The following TAF3 variants were observed in gnomAD, a reference collection of about 807,000 sequenced individuals.
TAF3 encodes TATA-box binding protein associated factor 3, also known as transcription initiation factor TFIID subunit 3.
In TAF3, 7 loss-of-function variants were observed where a neutral mutation model predicts 80.6. That is an observed-to-expected ratio of 0.09 (90% CI 0.05 to 0.16). The LOEUF is 0.16. Among genes scored for constraint, TAF3 ranks in the 10% least tolerant of loss-of-function variants. The pLI, the probability that TAF3 is intolerant of heterozygous loss-of-function variation, is 1.00. For synonymous variants in TAF3, 444 were observed against 446.1 expected (o/e 1.00, Z 0.06); for missense variants, 921 against 1,140.2 (o/e 0.81, Z 2.77).
rs1427610583 is a variant in TAF3 at position 8,009,138 on chromosome 10, G to T, written c.2376G>T (p.Pro792=). ...EAKPAPSQNR[P]KTPPPAPAPA... ...AGCCGGCGCCCTCGCAGAACAGGCC[G>T]AAGACCCCACCGCCGGCCCCCGCGC... Residue 792 remains proline (P), a synonymous_variant, in exon 5 of 7, where the codon CCG becomes CCT. Coordinates refer to ENST00000344293, the MANE Select transcript of TAF3 (RefSeq NM_031923.4). The surrounding 1 kb of genome is among the most constrained non-coding windows in gnomAD (Gnocchi z 4.1). 3 of 1,594,496 alleles carry T rather than the reference G, an allele frequency of 1.9e-6. No homozygotes were observed. Among genetic ancestry groups the T allele is most frequent in the African/African-American group, 1.3e-5 (1 of 74,278 alleles).
intron 2 of TAF3, among the ~76,000 whole-genome samples, chr10:7,935,513 G>C (rs1170974882): frequency 6.6e-6 from 1 of 152,062 alleles, no homozygotes; most frequent in Non-Finnish European, 1.5e-5. Flanking sequence ...GAACCCGGGA[G>C]GCGGAGCTTG....
At chr10:7,861,141 T>A (rs1837141763) in intron 2 of TAF3, among the ~76,000 whole-genome samples, 1 of 152,106 alleles carries the variant, frequency 6.6e-6, no homozygotes, top group Admixed American at 6.5e-5. Context: ...TTTTTTTGTA[T>A]GTTTAGTAGA....
intron 2 of TAF3, among the ~76,000 whole-genome samples, chr10:7,958,786 C>G (rs1283416620): frequency 6.6e-6 from 1 of 152,156 alleles, no homozygotes; most frequent in Non-Finnish European, 1.5e-5. Flanking sequence ...CAGATCATTT[C>G]TAATTTTAAA....
intron 2 of TAF3, among the ~76,000 whole-genome samples, chr10:7,947,196 C>T (rs1838033162): frequency 6.6e-6 from 1 of 152,224 alleles, no homozygotes; most frequent in Non-Finnish European, 1.5e-5. Context: ...GAAATGTCGG[C>T]AGCCCTAGAA....
intron 2 of TAF3, among the ~76,000 whole-genome samples, chr10:7,878,128 A>G (rs1207140647): frequency 1.3e-5 from 2 of 152,202 alleles, no homozygotes; most frequent in African/African-American, 4.8e-5. Context: ...TGATTTTTAA[A>G]ACAATACATT....
At chr10:7,916,208 A>C (rs1015713408) in intron 2 of TAF3, among the ~76,000 whole-genome samples, 64 of 152,172 alleles carry the variant, frequency 4.2e-4, no homozygotes, top group African/African-American at 1.4e-3. Context: ...TTCCTTTGTT[A>C]ATGGATTATT....
At chr10:7,983,493 T>C (rs1230988215) in intron 4 of TAF3, among the ~76,000 whole-genome samples, 1 of 152,236 alleles carries the variant, frequency 6.6e-6, no homozygotes, top group Admixed American at 6.5e-5. Flanking sequence ...CGTCATCCTG[T>C]CAGACTTGGA....
chr10:7,931,678 C>T (rs771748344), intron 2 of TAF3, among the ~76,000 whole-genome samples: 3 of 152,160 alleles, frequency 2.0e-5, no homozygotes, highest in Admixed American at 6.5e-5. Context: ...TTTCAAATCT[C>T]ATTGTATGTT....
Position 7,964,083 on chromosome 10 carries a change from C to T in TAF3, c.573C>T (p.Ala191=). 6.2e-7 allele frequency: 1 copy of T among 1,614,042 alleles called. No individual in the cohort carries two copies. The highest frequency in any genetic ancestry group is 8.5e-7 in the Non-Finnish European group (1 of 1,180,022). ...GTCCTGAAGCTGAAGAACTGCCAGCCATGAAGCGGCCTCGGCTATTAAGCA... is the reference window on the plus strand; with the variant it reads ...GTCCTGAAGCTGAAGAACTGCCAGCTATGAAGCGGCCTCGGCTATTAAGCA... The part of the protein sequence containing the change: ...LDSPEAEELP[A]MKRPRLLSTK... The change falls in exon 3 of 7, where the codon GCC becomes GCT. Residue 191 remains alanine (A), a synonymous_variant. Transcript: ENST00000344293. The surrounding 1 kb of genome is among the most constrained non-coding windows in gnomAD (Gnocchi z 4.1).
chr10:7,977,124 C>A, intron 3 of TAF3, 117 bp from the exon 4 acceptor site: 1 of 871,220 alleles, frequency 1.1e-6, no homozygotes, highest in Non-Finnish European at 1.8e-6. Context: ...TAAATTTTAG[C>A]CATATTTAAG....
intron 2 of TAF3, among the ~76,000 whole-genome samples, chr10:7,880,624 C>G (rs1241470668): frequency 6.6e-6 from 1 of 152,042 alleles, no homozygotes; most frequent in African/African-American, 2.4e-5. Context: ...CTTATAAATG[C>G]ATTTATATTC....
chr10:7,956,678 T>C (rs1838139034), intron 2 of TAF3, among the ~76,000 whole-genome samples: 1 of 152,206 alleles, frequency 6.6e-6, no homozygotes, highest in Non-Finnish European at 1.5e-5. Flanking sequence ...GAATTTGTGC[T>C]GAGTCATTCA....
At position 7,984,348 on chromosome 10, in the gene TAF3, A is replaced by G. The variant is rs146865120; in HGVS notation, c.2315+7025A>G. On this transcript the variant is annotated intron_variant, in intron 4 of 6. Coordinates refer to ENST00000344293, the MANE Select transcript of TAF3 (RefSeq NM_031923.4). ...AGGTTTTCAGAAATACTTTTACTGC[A>G]CAGTAAAACAAGTGGAGAGATTATA... Among the ~76,000 whole-genome samples the G allele has an allele frequency of 1.8e-4, 28 of 152,374 alleles. 1 individual carries two copies. The East Asian group carries it at 5.2e-3, about 28-fold the overall frequency.
intron 2 of TAF3, among the ~76,000 whole-genome samples, chr10:7,923,689 GA>G (rs1424978911): frequency 6.6e-6 from 1 of 150,910 alleles, no homozygotes; most frequent in Non-Finnish European, 1.5e-5. Flanking sequence ...AAACTTTTTT[GA>G]AAAGAGTACC....
chr10:7,955,538 C>G (rs1190443157), intron 2 of TAF3, among the ~76,000 whole-genome samples: 1 of 152,236 alleles, frequency 6.6e-6, no homozygotes, highest in Non-Finnish European at 1.5e-5. Context: ...TTTAAAGTTG[C>G]ATGCGTCTGT....
At chr10:7,920,332 ATG>A (rs1347512701) in intron 2 of TAF3, among the ~76,000 whole-genome samples, 5 of 28,878 alleles carry the variant, frequency 1.7e-4, no homozygotes, top group South Asian at 1.2e-3. Flanking sequence ...GTGTGTGTGT[ATG>A]TGTGTGTGTG....
At chr10:7,954,079 A>G (rs1289747088) in intron 2 of TAF3, among the ~76,000 whole-genome samples, 3 of 137,836 alleles carry the variant, frequency 2.2e-5, no homozygotes, top group Non-Finnish European at 3.2e-5. Context: ...TCTAGTTAAC[A>G]TGAGCTCTCC....
intron 2 of TAF3, among the ~76,000 whole-genome samples, chr10:7,842,862 C>CA (rs1319196292): frequency 6.6e-6 from 1 of 152,212 alleles, no homozygotes; most frequent in Non-Finnish European, 1.5e-5. Flanking sequence ...CCCACATTTA[C>CA]AGTCTGTTCC....
At chr10:7,820,646 C>T (rs1836681764) in intron 1 of TAF3, among the ~76,000 whole-genome samples, 1 of 152,180 alleles carries the variant, frequency 6.6e-6, no homozygotes, top group African/African-American at 2.4e-5. Context: ...AGGGATACGC[C>T]ACCATGCCTG....
Sources: gnomAD v4.1 joint callset for allele counts (sites outside exome capture counted in the v4.1 genomes callset) on GRCh38, gnomAD v4.1.1 for gene constraint, Gnocchi (gnomAD v3.1) non-coding constraint, MANE v1.5 for transcripts, NCBI Gene and HGNC (gene_info 2026-07-23, HGNC 2026-07-21) for gene names.